TANGO2: variants seen among roughly 807,000 people sequenced by gnomAD.
TANGO2 encodes the protein transport and Golgi organization protein 2 homolog.
TANGO2 carries 26 observed loss-of-function variants against 39.1 expected under a neutral mutation model. The ratio of observed to expected loss-of-function variants is 0.67; its 90% CI spans 0.49 to 0.92. The LOEUF is 0.92. Among genes scored for constraint, TANGO2 ranks in the 40% least tolerant of loss-of-function variants. TANGO2 has a pLI of 0.00. For synonymous variants in TANGO2, 131 were observed against 144.5 expected (o/e 0.91, Z 0.67); for missense variants, 326 against 360.1 (o/e 0.91, Z 0.77).
chr22:20,023,185 G>A (rs891554381), intron 1 of TANGO2, among the ~76,000 whole-genome samples: 4 of 152,234 alleles, frequency 2.6e-5, no homozygotes, highest in African/African-American at 9.6e-5. Flanking sequence ...CTCCCCTGGT[G>A]CACTTGCTGA....
intron 2 of TANGO2, among the ~76,000 whole-genome samples, chr22:20,038,598 T>A (rs570979884): frequency 1.3e-5 from 2 of 152,354 alleles, no homozygotes; most frequent in Middle Eastern, 3.4e-3. Context: ...GCCATTCCAG[T>A]TGGCCTCGGG....
chr22:20,042,148 A>G (rs556345291), intron 2 of TANGO2, among the ~76,000 whole-genome samples: 2 of 126,514 alleles, frequency 1.6e-5, no homozygotes, highest in African/African-American at 5.8e-5. Context: ...CACCTGACTA[A>G]TTTTTGTATT....
chr22:20,031,788 C>G (rs1196320138), intron 1 of TANGO2, among the ~76,000 whole-genome samples: 2 of 152,226 alleles, frequency 1.3e-5, no homozygotes, highest in African/African-American at 4.8e-5. Context: ...TGCTGACTTC[C>G]AGGAGTGTCC....
chr22:20,052,822 G>A (rs1845594284), intron 4 of TANGO2, among the ~76,000 whole-genome samples: 1 of 152,138 alleles, frequency 6.6e-6, no homozygotes, highest in Non-Finnish European at 1.5e-5. Flanking sequence ...CAGGGCCCAG[G>A]TAAGGGTGGG....
chr22:20,056,501 G>T (rs765195585), intron 6 of TANGO2: 1 of 457,344 alleles, frequency 2.2e-6, no homozygotes, highest in Admixed American at 2.3e-5. Flanking sequence ...GCCCCTCTGC[G>T]CCAGGTCACA....
chr22:20,024,622 C>T (rs2146707175), intron 1 of TANGO2, among the ~76,000 whole-genome samples: 1 of 152,330 alleles, frequency 6.6e-6, no homozygotes, highest in South Asian at 2.1e-4. Flanking sequence ...GCTTAGTCAC[C>T]CTCTGTTCAG....
chr22:20,055,416 T>C (rs1193814561), intron 5 of TANGO2: 4 of 172,090 alleles, frequency 2.3e-5, no homozygotes, highest in African/African-American at 9.5e-5. Context: ...TGAGTCACTA[T>C]GCCCAGCTCT....
In TANGO2 at chr22:20,045,198, G is replaced by T. The variant is rs185952020; in HGVS notation, c.145+1755G>T. ...CACCTGTAATCTCAGCACTTTGGGA[G>T]TCCAAGGCAGGAGGATCCCTTGAGG... On this transcript the variant is annotated intron_variant, in intron 3 of 8. Coordinates refer to ENST00000327374, the MANE Select transcript of TANGO2 (RefSeq NM_152906.7). Among the ~76,000 whole-genome samples the T allele has an allele frequency of 5.6e-4, 85 of 151,690 alleles. 1 individual carries two copies. The highest frequency in any genetic ancestry group is 2.1e-3 in the African/African-American group (85 of 41,304).
upstream of TANGO2, chr22:20,019,205 C>T (rs1157113580): frequency 6.6e-6 from 1 of 152,260 alleles, no homozygotes; most frequent in Non-Finnish European, 1.5e-5. Flanking sequence ...CTGTGAGGCC[C>T]CCGGAGAAAG....
chr22:20,017,450 G>T (rs1430996106), upstream of TANGO2, among the ~76,000 whole-genome samples: 1 of 152,106 alleles, frequency 6.6e-6, no homozygotes, highest in Admixed American at 6.5e-5. Flanking sequence ...CAGTATTTCC[G>T]AGGGCAGGAA....
At chr22:20,029,836 G>T (rs1264250271) in intron 1 of TANGO2, among the ~76,000 whole-genome samples, 1 of 152,232 alleles carries the variant, frequency 6.6e-6, no homozygotes, top group Non-Finnish European at 1.5e-5. Flanking sequence ...TGTCTGGGCT[G>T]CAGGGAGGCA....
chr22:20,030,590 C>T (rs1349634215), intron 1 of TANGO2, among the ~76,000 whole-genome samples: 1 of 151,834 alleles, frequency 6.6e-6, no homozygotes, highest in Non-Finnish European at 1.5e-5. Context: ...CGTGATCCAC[C>T]CACCTTGGCC....
chr22:20,046,452 G>C (rs1368780186), intron 3 of TANGO2, among the ~76,000 whole-genome samples: 1 of 147,436 alleles, frequency 6.8e-6, no homozygotes, highest in Non-Finnish European at 1.5e-5. Flanking sequence ...CCCAGCCAAG[G>C]CTGGGTAATT....
chr22:20,047,118 A>T (rs112447267), intron 3 of TANGO2, among the ~76,000 whole-genome samples: 267 of 152,268 alleles, frequency 1.8e-3, no homozygotes, highest in African/African-American at 5.8e-3. Flanking sequence ...ATAGAGCTAG[A>T]ACTCATCACT....
intron 1 of TANGO2, among the ~76,000 whole-genome samples, chr22:20,035,684 G>A (rs2042713333): frequency 6.6e-6 from 1 of 152,192 alleles, no homozygotes; most frequent in Non-Finnish European, 1.5e-5. Context: ...GAGTGTGTGT[G>A]CTGAGCAGGA....
At chr22:20,043,820 T>C (rs960314994) in intron 3 of TANGO2, among the ~76,000 whole-genome samples, 1 of 152,152 alleles carries the variant, frequency 6.6e-6, no homozygotes, top group Non-Finnish European at 1.5e-5. Context: ...TGTGTATGCG[T>C]GCGTGTGTGT....
At chr22:20,022,725 C>G (rs189896002) in intron 1 of TANGO2, among the ~76,000 whole-genome samples, 1 of 152,264 alleles carries the variant, frequency 6.6e-6, no homozygotes, top group Non-Finnish European at 1.5e-5. Context: ...GAGGGCACCC[C>G]GGTGCCCACC....
intron 3 of TANGO2, among the ~76,000 whole-genome samples, chr22:20,044,119 G>A (rs550966232): frequency 2.6e-5 from 4 of 152,274 alleles, no homozygotes; most frequent in South Asian, 4.1e-4. Context: ...CTCTGCCTGC[G>A]TACCAGGCGC....
chr22:20,041,592 G>A (rs910077842), intron 2 of TANGO2, among the ~76,000 whole-genome samples: 3 of 151,900 alleles, frequency 2.0e-5, no homozygotes, highest in Non-Finnish European at 2.9e-5. Context: ...GATTACAGGC[G>A]TGAGCCACCG....
Sources: allele counts gnomAD v4.1 joint callset (sites outside exome capture counted in the v4.1 genomes callset), GRCh38; gene constraint gnomAD v4.1.1; transcripts MANE v1.5; gene names NCBI Gene and HGNC (gene_info 2026-07-23, HGNC 2026-07-21).